RPS6KC1: variants seen among roughly 807,000 people sequenced by gnomAD.
RPS6KC1 encodes the protein ribosomal protein S6 kinase C1.
A neutral mutation model predicts 103.8 loss-of-function variants in RPS6KC1; 54 were observed. The ratio of observed to expected loss-of-function variants is 0.52; its 90% CI spans 0.42 to 0.65. RPS6KC1 has a LOEUF of 0.65. Ranked by LOEUF, RPS6KC1 falls within the 30% of genes least tolerant of loss-of-function variation. RPS6KC1 has a pLI of 0.00. For synonymous variants in RPS6KC1, 439 were observed against 438.7 expected (o/e 1.00, Z -0.01); for missense variants, 1,151 against 1,253.8 (o/e 0.92, Z 1.24).
the RPS6KC1 span, among the ~76,000 whole-genome samples, chr1:213,401,776 TTTAC>T: frequency 4.7e-5 from 7 of 149,910 alleles, no homozygotes; most frequent in East Asian, 9.7e-4. Flanking sequence ...TATTTTTATT[TTTAC>T]TTACTTTATT....
intron 5 of RPS6KC1, among the ~76,000 whole-genome samples, chr1:213,119,425 CATATATATATATAT>C (rs757888943): frequency 9.9e-5 from 9 of 90,984 alleles, no homozygotes; most frequent in Admixed American, 2.7e-4. Context: ...CCAGCCTGGG[CATATATATATATAT>C]ATATATATAT....
At chr1:213,221,701 T>C (rs956022313) in intron 8 of RPS6KC1, among the ~76,000 whole-genome samples, 3 of 152,234 alleles carry the variant, frequency 2.0e-5, no homozygotes, top group Non-Finnish European at 4.4e-5. Flanking sequence ...TTTAGTCTTA[T>C]GTTACTTGCT....
intron 10 of RPS6KC1, among the ~76,000 whole-genome samples, chr1:213,234,959 T>A (rs754661588): frequency 2.6e-5 from 4 of 152,216 alleles, no homozygotes; most frequent in Non-Finnish European, 5.9e-5. Context: ...CTACAGTAAT[T>A]TCTCAGATTT....
chr1:213,599,349 C>T, the RPS6KC1 span, among the ~76,000 whole-genome samples: 1 of 152,022 alleles, frequency 6.6e-6, no homozygotes, highest in African/African-American at 2.4e-5. Flanking sequence ...CAGGCTGTCT[C>T]CCATCCAGGC....
At chr1:213,196,847 T>G (rs2092966849) in intron 8 of RPS6KC1, among the ~76,000 whole-genome samples, 1 of 152,176 alleles carries the variant, frequency 6.6e-6, no homozygotes, top group African/African-American at 2.4e-5. Context: ...TTTTGTTTGT[T>G]TGTTTTGAGA....
chr1:213,400,711 CTTT>C, the RPS6KC1 span, among the ~76,000 whole-genome samples: 2 of 145,598 alleles, frequency 1.4e-5, no homozygotes, highest in Admixed American at 6.9e-5. Flanking sequence ...TTCTTTCTCT[CTTT>C]TTTTTTTTTT....
At chr1:213,354,091 C>A in the RPS6KC1 span, among the ~76,000 whole-genome samples, 2 of 152,338 alleles carry the variant, frequency 1.3e-5, no homozygotes, top group Non-Finnish European at 2.9e-5. Context: ...TTCTGAGACC[C>A]TTACCTGTCT....
chr1:213,386,536 C>T, the RPS6KC1 span, among the ~76,000 whole-genome samples: 11 of 152,288 alleles, frequency 7.2e-5, no homozygotes, highest in African/African-American at 2.2e-4. Flanking sequence ...GGCTGGCTGT[C>T]CTGTGTTTAC....
chr1:213,405,653 C>CAGCAGCAGT, the RPS6KC1 span, among the ~76,000 whole-genome samples: 1 of 152,214 alleles, frequency 6.6e-6, no homozygotes, highest in Non-Finnish European at 1.5e-5. Flanking sequence ...TTAATTTCAG[C>CAGCAGCAGT]AGCAGCAGTA....
intron 3 of RPS6KC1, among the ~76,000 whole-genome samples, chr1:213,083,229 C>T (rs1381255438): frequency 2.0e-5 from 3 of 152,190 alleles, no homozygotes; most frequent in Non-Finnish European, 4.4e-5. Context: ...AAGCCACACA[C>T]CTTGCTGTTT....
the RPS6KC1 span, among the ~76,000 whole-genome samples, chr1:213,548,641 C>A: frequency 6.6e-6 from 1 of 152,034 alleles, no homozygotes; most frequent in South Asian, 2.1e-4. Context: ...AGCCTGGCAA[C>A]AGAGCAAGAG....
At chr1:213,689,460 C>G in the RPS6KC1 span, among the ~76,000 whole-genome samples, 5 of 152,206 alleles carry the variant, frequency 3.3e-5, no homozygotes, top group Admixed American at 3.3e-4. Flanking sequence ...GAGCAATACT[C>G]CCAGTATTGC....
At chr1:213,151,867 C>A (rs1364805064) in intron 6 of RPS6KC1, among the ~76,000 whole-genome samples, 3 of 121,308 alleles carry the variant, frequency 2.5e-5, no homozygotes, top group East Asian at 2.7e-4. Flanking sequence ...GGGCGGCTGG[C>A]CGGGCGGGGG....
At chr1:213,472,886 C>T in the RPS6KC1 span, among the ~76,000 whole-genome samples, 5 of 152,198 alleles carry the variant, frequency 3.3e-5, no homozygotes, top group South Asian at 1.0e-3. Flanking sequence ...ATGTGTGACT[C>T]TAAAGTTTGG....
rs1042458218 is a variant in RPS6KC1, at chr1:213,273,210, C to T, written c.*576C>T. On this transcript the variant is annotated 3_prime_UTR_variant, in exon 15 of 15. Coordinates refer to ENST00000366960, the MANE Select transcript of RPS6KC1 (RefSeq NM_012424.6). ...CCCAGATTATTTCTGTAAGAAGACA[C>T]TCCATGTTGTCAGCTTTGTACTCTT... is the stretch of plus-strand genomic sequence containing the variant. The T allele has an allele frequency of 6.5e-6, 1 of 153,140 alleles. No individual in the cohort carries two copies. Among genetic ancestry groups the T allele is most frequent in the African/African-American group, 2.4e-5 (1 of 41,438 alleles). The allele number at this position is 153,140 out of a possible 1,614,324, so 9.5% of individuals were successfully genotyped here.
chr1:213,290,450 G>A, the RPS6KC1 span, among the ~76,000 whole-genome samples: 1 of 152,170 alleles, frequency 6.6e-6, no homozygotes, highest in Admixed American at 6.5e-5. Context: ...AGGAAGGAAC[G>A]ATACGGGGTG....
At chr1:213,157,702 G>C (rs1312755697) in intron 6 of RPS6KC1, among the ~76,000 whole-genome samples, 1 of 151,994 alleles carries the variant, frequency 6.6e-6, no homozygotes, top group Non-Finnish European at 1.5e-5. Context: ...AATTCAGGTT[G>C]GTTGATAATA....
the RPS6KC1 span, among the ~76,000 whole-genome samples, chr1:213,833,676 C>T: frequency 2.0e-5 from 3 of 152,108 alleles, no homozygotes; most frequent in African/African-American, 4.8e-5. Flanking sequence ...AGTTTAGGGT[C>T]TGAAGGGAGA....
At chr1:213,360,202 C>T in the RPS6KC1 span, among the ~76,000 whole-genome samples, 12 of 152,274 alleles carry the variant, frequency 7.9e-5, no homozygotes, top group Non-Finnish European at 1.0e-4. Flanking sequence ...ACCAATCGGA[C>T]GCAGATTTGG....
Sources: allele counts gnomAD v4.1 joint callset (sites outside exome capture counted in the v4.1 genomes callset), GRCh38; gene constraint gnomAD v4.1.1; transcripts MANE v1.5; gene names NCBI Gene and HGNC (gene_info 2026-07-23, HGNC 2026-07-21).